RFT1: variants seen among roughly 807,000 people sequenced by gnomAD.
RFT1 encodes man(5)GlcNAc(2)-PP-dolichol translocation protein RFT1.
In RFT1, 43 loss-of-function variants were observed where a neutral mutation model predicts 62.2. That is an observed-to-expected ratio of 0.69 (90% CI 0.54 to 0.89). The LOEUF is 0.89. Ranked by LOEUF, RFT1 falls within the 40% of genes least tolerant of loss-of-function variation. RFT1 has a pLI of 0.00. For missense variants in RFT1, 605 were observed against 649.9 expected, an observed-to-expected ratio of 0.93 and a Z score of 0.75; for synonymous variants, 262 against 264.6, an observed-to-expected ratio of 0.99 and a Z score of 0.10.
intron 1 of RFT1, 60 bp downstream of exon 1, chr3:53,130,278 G>A: frequency 6.6e-7 from 1 of 1,504,324 alleles, no homozygotes; most frequent in Non-Finnish European, 9.1e-7. Context: ...AGGGCCCAAG[G>A]GCTGCCATCC....
downstream of RFT1, among the ~76,000 whole-genome samples, chr3:53,083,721 C>T (rs1700802960): frequency 6.6e-6 from 1 of 152,206 alleles, no homozygotes; most frequent in Non-Finnish European, 1.5e-5. Flanking sequence ...CCCCACCGGG[C>T]AGCCAGAGCT....
In RFT1 at chr3:53,127,381, G is replaced by A. The variant is rs774645160; in HGVS notation, c.64-1387C>T. On this transcript the variant is annotated intron_variant, in intron 1 of 12. Coordinates refer to ENST00000296292, the MANE Select transcript of RFT1 (RefSeq NM_052859.4). ...TTAAAAGGATCAAAAGAGATTGTAG[G>A]GCTGGGTACAGTGGCTCATGCCTGT... is the stretch of plus-strand genomic sequence containing the variant. Among the ~76,000 whole-genome samples, 7 of 151,588 alleles carry A rather than the reference G, an allele frequency of 4.6e-5. No homozygotes were observed. In the South Asian group the frequency reaches 1.5e-3, roughly 32 times the overall value.
the RFT1 span, among the ~76,000 whole-genome samples, chr3:53,070,575 T>C: frequency 6.6e-6 from 1 of 151,928 alleles, no homozygotes; most frequent in East Asian, 2.0e-4. Flanking sequence ...CTAATTTTTG[T>C]ATTTTTAGTT....
At chr3:53,126,831 G>GACT (rs762093199) in intron 1 of RFT1, among the ~76,000 whole-genome samples, 1 of 152,208 alleles carries the variant, frequency 6.6e-6, no homozygotes, top group Non-Finnish European at 1.5e-5. Flanking sequence ...TTCACTGAAT[G>GACT]ACTCCCTTCT....
the RFT1 span, among the ~76,000 whole-genome samples, chr3:53,082,935 C>T: frequency 6.6e-6 from 1 of 152,132 alleles, no homozygotes; most frequent in Non-Finnish European, 1.5e-5. Context: ...GCGGCTCATG[C>T]CTGTAATCCC....
the RFT1 span, among the ~76,000 whole-genome samples, chr3:53,070,119 T>C: frequency 6.6e-6 from 1 of 152,104 alleles, no homozygotes; most frequent in Admixed American, 6.6e-5. Context: ...TGGTTGGGGA[T>C]AAAGGAGAAA....
chr3:53,091,490 T>C lies in RFT1; in HGVS notation c.*413A>G. Reference sequence around the variant, plus strand: ...TCTCTCTCTCTTTTACAGAAGAAGTTCAATATTCCTGTGAAGGGTAAAATC... The same window carrying C: ...TCTCTCTCTCTTTTACAGAAGAAGTCCAATATTCCTGTGAAGGGTAAAATC... On this transcript the variant is annotated 3_prime_UTR_variant, in exon 13 of 13. Transcript: ENST00000296292. The C allele has an allele frequency of 1.3e-5, 3 of 226,336 alleles. No individual in the cohort carries two copies. Among genetic ancestry groups the C allele is most frequent in the South Asian group, 6.1e-5 (1 of 16,344 alleles). The allele number at this position is 226,336 out of a possible 1,614,324, so 14.0% of individuals were successfully genotyped here. A position where few individuals can be genotyped will look rare whatever the true frequency, so the allele number is the denominator to read the frequency against.
intron 2 of RFT1, 30 bp downstream of exon 2, chr3:53,125,879 C>G (rs781201614): frequency 3.2e-6 from 5 of 1,564,612 alleles, no homozygotes; most frequent in Non-Finnish European, 4.4e-6. Flanking sequence ...AAGGTGAACT[C>G]TGACAGTGCC....
chr3:53,115,358 A>C (rs1042877428), intron 6 of RFT1, among the ~76,000 whole-genome samples: 18 of 152,160 alleles, frequency 1.2e-4, no homozygotes, highest in African/African-American at 4.3e-4. Context: ...AAAAAAAATA[A>C]GACACTATAA....
At chr3:53,070,171 T>C in the RFT1 span, among the ~76,000 whole-genome samples, 1 of 151,972 alleles carries the variant, frequency 6.6e-6, no homozygotes, top group South Asian at 2.1e-4. Flanking sequence ...AATCTAAAAC[T>C]CTGGGAAGCA....
chr3:53,100,381 C>T (rs1401881952), intron 10 of RFT1, among the ~76,000 whole-genome samples: 1 of 152,124 alleles, frequency 6.6e-6, no homozygotes, highest in African/African-American at 2.4e-5. Context: ...AATCAAGCAC[C>T]TAATAAAATA....
downstream of RFT1, among the ~76,000 whole-genome samples, chr3:53,084,579 C>T (rs1700819050): frequency 6.6e-6 from 1 of 152,190 alleles, no homozygotes; most frequent in South Asian, 2.1e-4. Context: ...TGCTCACTGA[C>T]TGCGATGACA....
At chr3:53,072,650 A>G in the RFT1 span, among the ~76,000 whole-genome samples, 1 of 152,206 alleles carries the variant, frequency 6.6e-6, no homozygotes, top group Admixed American at 6.5e-5. Flanking sequence ...AGGAAGTAAA[A>G]GCCTAAAGGC....
intron 1 of RFT1, among the ~76,000 whole-genome samples, chr3:53,127,795 G>T (rs545089898): frequency 2.4e-4 from 36 of 152,084 alleles, no homozygotes; most frequent in Non-Finnish European, 4.1e-4. Context: ...TAAAAGAAAT[G>T]AGACTGTAGA....
chr3:53,111,744 G>C (rs1701654097), intron 7 of RFT1, 86 bp downstream of exon 7: 4 of 1,097,530 alleles, frequency 3.6e-6, no homozygotes, highest in East Asian at 4.7e-5. Context: ...GCTCTGGACA[G>C]GTGGTCTGGA....
chr3:53,111,168 C>T (rs1364796998), intron 7 of RFT1, among the ~76,000 whole-genome samples: 2 of 151,976 alleles, frequency 1.3e-5, no homozygotes, highest in Non-Finnish European at 2.9e-5. Flanking sequence ...AATCCCAGCA[C>T]TCTGAGGCAG....
chr3:53,087,846 T>A (rs573888794), downstream of RFT1, among the ~76,000 whole-genome samples: 1 of 152,372 alleles, frequency 6.6e-6, no homozygotes, highest in Non-Finnish European at 1.5e-5. Context: ...TTTTCTTTTT[T>A]CCTCTCACTA....
chr3:53,097,885 C>G (rs1701188271), intron 11 of RFT1, among the ~76,000 whole-genome samples: 1 of 152,202 alleles, frequency 6.6e-6, no homozygotes, highest in South Asian at 2.1e-4. Context: ...CAAAGCAGTT[C>G]TACTCTAAAG....
In RFT1 at chr3:53,130,423, A is replaced by G. The variant is rs910066650; in HGVS notation, c.-23T>C. 1.3e-6 allele frequency: 2 copies of G among 1,550,472 alleles called. No homozygotes were observed. Among genetic ancestry groups the G allele is most frequent in the African/African-American group, 2.7e-5 (2 of 73,042 alleles). ...CATAGCCTCCGCGCCAGGCTCAGAC[A>G]CCAGGAAATGCCGCCGCCACTCCGT... On this transcript the variant is annotated 5_prime_UTR_variant, in exon 1 of 13. Transcript: ENST00000296292.
Sources: gnomAD v4.1 joint callset for allele counts (sites outside exome capture counted in the v4.1 genomes callset) on GRCh38, gnomAD v4.1.1 for gene constraint, MANE v1.5 for transcripts, NCBI Gene and HGNC (gene_info 2026-07-23, HGNC 2026-07-21) for gene names.